The following FBXL13 variants were observed in gnomAD, a reference collection of about 807,000 sequenced individuals.
The protein encoded by FBXL13 is F-box and leucine-rich repeat protein 13.
In FBXL13, 67 loss-of-function variants were observed where a neutral mutation model predicts 83.6. That is an observed-to-expected ratio of 0.80 (90% CI 0.66 to 0.98). FBXL13 has a LOEUF of 0.98. FBXL13 is among the 50% of genes least tolerant of loss of function. FBXL13 has a pLI of 0.00. For missense variants in FBXL13, 822 were observed against 866.5 expected, an observed-to-expected ratio of 0.95 and a Z score of 0.64; for synonymous variants, 272 against 299.5, an observed-to-expected ratio of 0.91 and a Z score of 0.95.
At chr7:102,826,069 T>C (rs963466866) in intron 18 of FBXL13, among the ~76,000 whole-genome samples, 11 of 152,190 alleles carry the variant, frequency 7.2e-5, no homozygotes, top group African/African-American at 2.7e-4. Flanking sequence ...GTAGGACCTC[T>C]TTATACAAAA....
chr7:102,892,673 A>C (rs1264808784), intron 11 of FBXL13, among the ~76,000 whole-genome samples: 1 of 152,202 alleles, frequency 6.6e-6, no homozygotes, highest in African/African-American at 2.4e-5. Context: ...AAAATGCAAC[A>C]ATTTTTTTAA....
Position 102,877,458 on chromosome 7 carries a change from T to C in FBXL13, c.1635+9A>G. On this transcript the variant is annotated intron_variant, in intron 16 of 19. Coordinates refer to ENST00000313221, the Ensembl canonical transcript of FBXL13. ...ATAAAAGTCATTGTACTGTTTTGAA[T>C]TTTTTTACCTCATTAGAGATGTCTG... is the stretch of plus-strand genomic sequence containing the variant. The C allele has an allele frequency of 1.3e-6, 2 of 1,569,494 alleles. No individual in the cohort carries two copies. Among genetic ancestry groups the C allele is most frequent in the Non-Finnish European group, 1.7e-6 (2 of 1,163,088 alleles).
At chr7:102,922,972 C>T (rs1407890656) in intron 10 of FBXL13, among the ~76,000 whole-genome samples, 3 of 151,208 alleles carry the variant, frequency 2.0e-5, no homozygotes, top group African/African-American at 4.9e-5. Flanking sequence ...AGCGAGACTC[C>T]GTCTCAACAA....
intron 1 of FBXL13, among the ~76,000 whole-genome samples, chr7:103,071,257 G>T (rs1005726212): frequency 2.6e-5 from 4 of 152,010 alleles, no homozygotes; most frequent in African/African-American, 9.7e-5. Context: ...AGTTCCAAAA[G>T]GAAAAGAGAG....
chr7:102,995,783 C>CTAAATAAATAAA (rs59828511), intron 6 of FBXL13, among the ~76,000 whole-genome samples: 23,205 of 142,366 alleles, frequency 0.16, 2,253 homozygotes, highest in Non-Finnish European at 0.22. Flanking sequence ...AAGACTCTGT[C>CTAAATAAATAAA]TAAATAAATA....
chr7:102,976,071 C>T (rs574681799), intron 6 of FBXL13: 2 of 766,386 alleles, frequency 2.6e-6, no homozygotes, highest in Middle Eastern at 2.3e-4. Flanking sequence ...GGACTGTGAG[C>T]GGCCCCTGCA....
chr7:102,992,691 A>G (rs1829702237), intron 6 of FBXL13, among the ~76,000 whole-genome samples: 1 of 152,104 alleles, frequency 6.6e-6, no homozygotes, highest in Non-Finnish European at 1.5e-5. Context: ...TGCAGCCTCA[A>G]CCTCTCCAGA....
intron 2 of FBXL13, among the ~76,000 whole-genome samples, chr7:103,048,685 T>C (rs1796522185): frequency 6.6e-6 from 1 of 152,216 alleles, no homozygotes; most frequent in Non-Finnish European, 1.5e-5. Flanking sequence ...TATGCTTTTA[T>C]TTCAATGTTC....
chr7:102,857,272 A>C (rs536981905), intron 16 of FBXL13, among the ~76,000 whole-genome samples: 1 of 152,310 alleles, frequency 6.6e-6, no homozygotes, highest in Non-Finnish European at 1.5e-5. Flanking sequence ...CAAAGGAAAC[A>C]ATAAACAAAG....
chr7:102,894,252 T>A (rs1811978684), intron 11 of FBXL13, among the ~76,000 whole-genome samples: 1 of 152,214 alleles, frequency 6.6e-6, no homozygotes, highest in South Asian at 2.1e-4. Flanking sequence ...CCTTGGAATC[T>A]TCCAGTTTGC....
chr7:103,055,734 C>A, exon 2 of FBXL13: 1 of 1,274,712 alleles, frequency 7.8e-7, no homozygotes, highest in South Asian at 1.3e-5. Flanking sequence ...AACAAGTATA[C>A]CACATAACAG....
At chr7:102,815,341 T>C (rs575819165) in intron 19 of FBXL13, among the ~76,000 whole-genome samples, 1 of 152,328 alleles carries the variant, frequency 6.6e-6, no homozygotes, top group African/African-American at 2.4e-5. Context: ...AGTAAGTTAC[T>C]TAAGAGTTTA....
chr7:102,968,774 G>T (rs11514917), intron 6 of FBXL13, among the ~76,000 whole-genome samples: 80,572 of 152,074 alleles, frequency 0.53, 23,648 homozygotes, highest in Non-Finnish European at 0.65. Flanking sequence ...ATAGTTGCTT[G>T]GGAGGGAGGA....
intron 8 of FBXL13, among the ~76,000 whole-genome samples, chr7:102,954,162 T>C (rs1823876874): frequency 6.6e-6 from 1 of 152,018 alleles, no homozygotes; most frequent in Non-Finnish European, 1.5e-5. Context: ...GGTCGGGGGA[T>C]TTCCCTTTCC....
chr7:102,830,950 C>A (rs1800554098), intron 18 of FBXL13, among the ~76,000 whole-genome samples: 1 of 152,160 alleles, frequency 6.6e-6, no homozygotes, highest in Admixed American at 6.5e-5. Flanking sequence ...CTTTTGTTCA[C>A]GATTAAGAGT....
intron 11 of FBXL13, among the ~76,000 whole-genome samples, chr7:102,909,296 TG>T (rs1216769377): frequency 6.6e-6 from 1 of 151,472 alleles, no homozygotes; most frequent in Non-Finnish European, 1.5e-5. Context: ...TTCAGGGCAG[TG>T]GGTTCCCCTC....
At chr7:102,975,375 C>T (rs1827296992) in intron 6 of FBXL13, among the ~76,000 whole-genome samples, 1 of 152,220 alleles carries the variant, frequency 6.6e-6, no homozygotes, top group Non-Finnish European at 1.5e-5. Context: ...CCCCAGAAGA[C>T]TGGGGCTGTA....
exon 18 of FBXL13, chr7:102,832,932 A>G: frequency 6.2e-7 from 1 of 1,614,232 alleles, no homozygotes; most frequent in South Asian, 1.1e-5. Context: ...GAGCAATAAG[A>G]GACATCCAAA....
intron 18 of FBXL13, among the ~76,000 whole-genome samples, chr7:102,826,769 A>ATATGTATG (rs1554400933): frequency 3.0e-5 from 3 of 100,744 alleles, no homozygotes; most frequent in African/African-American, 1.1e-4. Flanking sequence ...ATATATATAT[A>ATATGTATG]TATGTATATA....
Sources: gnomAD v4.1 joint callset for allele counts (sites outside exome capture counted in the v4.1 genomes callset) on GRCh38, gnomAD v4.1.1 for gene constraint, MANE v1.5 for transcripts, NCBI Gene and HGNC (gene_info 2026-07-23, HGNC 2026-07-21) for gene names.